The following TCF3 variants were observed in gnomAD, a reference collection of about 807,000 sequenced individuals.
TCF3 encodes transcription factor E2-alpha.
A neutral mutation model predicts 72.3 loss-of-function variants in TCF3; 54 were observed. The ratio of observed to expected loss-of-function variants is 0.75; its 90% CI spans 0.60 to 0.94. The LOEUF (loss-of-function observed/expected upper bound fraction) is 0.94, where lower values mean the gene tolerates loss of function less well. Among genes scored for constraint, TCF3 ranks in the 40% least tolerant of loss-of-function variants. TCF3 has a pLI of 0.00. For missense variants in TCF3, 1,078 were observed against 934.4 expected (o/e 1.15, Z -2.00); for synonymous variants, 525 against 412.6 (o/e 1.27, Z -3.30).
In TCF3 at chr19:1,632,741, C is replaced by T. The variant is rs375012509; in HGVS notation, c.146-336G>A. 7.2e-5 allele frequency among the ~76,000 whole-genome samples: 11 copies of T among 152,330 alleles called. No individual in the cohort carries two copies. In the East Asian group the frequency reaches 7.7e-4, roughly 11 times the overall value. ...CGCCGAGCCTCCTCCCCATCAGCCCCAAGTCCCTCCCTCTGGCCCAGCCCT... is the reference window on the plus strand; with the variant it reads ...CGCCGAGCCTCCTCCCCATCAGCCCTAAGTCCCTCCCTCTGGCCCAGCCCT... On this transcript the variant is annotated intron_variant, in intron 3 of 18. Coordinates refer to ENST00000262965, the MANE Select transcript of TCF3 (RefSeq NM_003200.5).
At position 1,622,397 on chromosome 19, in the gene TCF3, C is replaced by A. The variant is rs935082974; in HGVS notation, c.568G>T (p.Gly190Cys). Residue 190 changes from glycine (G) to cysteine (C), a missense_variant, in exon 9 of 19, where the codon GGT becomes TGT. Coordinates refer to ENST00000262965, the MANE Select transcript of TCF3 (RefSeq NM_003200.5). ...LPSSVYPPSS[G>C]EDYGRDATAY... ...GTGGCATCCCTGCCGTAGTCCTCAC[C>A]TGAGCTGGGTGGGTACACCTGCGGG... 1 of 1,324,486 alleles carries A rather than the reference C, an allele frequency of 7.6e-7. No homozygotes were observed. Among genetic ancestry groups the A allele is most frequent in the Admixed American group, 2.6e-5 (1 of 38,462 alleles). The allele number at this position is 1,324,486 out of a possible 1,614,324, so 82.0% of individuals were successfully genotyped here.
rs765570633 is a variant in TCF3 at position 1,611,746 on chromosome 19, T to C, written c.1926A>G (p.Pro642=). ...CGGGGTTGTGGGCTTCGCTCAGGCC[T>C]GGGTGGGGAGCTGAAAGCACCATCT... ...DPQMVLSAPH[P]GLSEAHNPAG... Residue 642 remains proline (P), a synonymous_variant, in exon 19 of 19, where the codon CCA becomes CCG. Transcript: ENST00000262965. The C allele has an allele frequency of 1.9e-6, 3 of 1,613,708 alleles. No homozygotes were observed. The highest frequency in any genetic ancestry group is 2.5e-6 in the Non-Finnish European group (3 of 1,179,950).
intron 3 of TCF3, among the ~76,000 whole-genome samples, chr19:1,646,036 G>C (rs944221174): frequency 6.6e-6 from 1 of 152,034 alleles, no homozygotes; most frequent in Admixed American, 6.5e-5. Flanking sequence ...ACGGATGCTC[G>C]AGATCCCCAC....
intron 3 of TCF3, among the ~76,000 whole-genome samples, chr19:1,637,180 C>T (rs1241586759): frequency 6.6e-6 from 1 of 151,944 alleles, no homozygotes; most frequent in Non-Finnish European, 1.5e-5. Flanking sequence ...GGACAAGCTC[C>T]TCCCCCAGAA....
At chr19:1,612,063 G>A (rs2061055895) in intron 18 of TCF3, 3 of 876,470 alleles carry the variant, frequency 3.4e-6, no homozygotes, top group African/African-American at 1.7e-5. Flanking sequence ...GGGGGTGTCT[G>A]GGGAACATCA....
At chr19:1,625,783 G>A (rs2062807978) in intron 6 of TCF3, 75 bp from the exon 7 acceptor site, 6 of 1,417,368 alleles carry the variant, frequency 4.2e-6, no homozygotes, top group Non-Finnish European at 5.5e-6. Flanking sequence ...AGAAAAAACT[G>A]CAAAGGCCGA....
At chr19:1,651,697 C>T (rs1395831443) in intron 1 of TCF3, among the ~76,000 whole-genome samples, 1 of 151,912 alleles carries the variant, frequency 6.6e-6, no homozygotes, top group South Asian at 2.1e-4. Context: ...GGACCCCCCT[C>T]CCCCCGCAGC....
chr19:1,642,672 C>A (rs2065508264), intron 3 of TCF3, among the ~76,000 whole-genome samples: 1 of 152,198 alleles, frequency 6.6e-6, no homozygotes, highest in South Asian at 2.1e-4. Flanking sequence ...GTGCTGTCAC[C>A]ACGTTGGCCA....
At chr19:1,634,111 G>A (rs1429668637) in intron 3 of TCF3, among the ~76,000 whole-genome samples, 1 of 152,208 alleles carries the variant, frequency 6.6e-6, no homozygotes, top group African/African-American at 2.4e-5. Flanking sequence ...AGGCACTGCG[G>A]CCTCAATCTG....
chr19:1,621,911 G>A lies in TCF3; in HGVS notation c.882C>T (p.Ser294=), dbSNP rs1231036578. The change falls in exon 11 of 19, where the codon TCC becomes TCT. Residue 294 remains serine, a synonymous_variant. Transcript: ENST00000262965. ...NGGLPSASSF[S]SAPGATYGGV... ...CGCCGTACGTGGCTCCGGGGGCTGA[G>A]GAGAAGGAGGATGCAGATGGGAGCC... 8.2e-6 allele frequency: 13 copies of A among 1,592,566 alleles called. No individual in the cohort carries two copies. Among genetic ancestry groups the A allele is most frequent in the Non-Finnish European group, 1.0e-5 (12 of 1,166,946 alleles).
At chr19:1,641,027 A>G (rs2065161041) in intron 3 of TCF3, among the ~76,000 whole-genome samples, 1 of 151,444 alleles carries the variant, frequency 6.6e-6, no homozygotes, top group Non-Finnish European at 1.5e-5. Flanking sequence ...GCAGGCACCT[A>G]TATTCCCAGC....
chr19:1,627,343 G>C lies in TCF3; in HGVS notation c.366+16C>G, dbSNP rs781445214. ...TTAAAATCAAAATACACCCCAGCCC[G>C]GCCCGAGCCCCTCACCTGAGTCAGG... On this transcript the variant is annotated intron_variant, in intron 6 of 18. Transcript: ENST00000262965. The C allele has an allele frequency of 1.7e-5, 27 of 1,603,048 alleles. 1 individual carries two copies. In the South Asian group the frequency reaches 2.3e-4, roughly 14 times the overall value.
intron 16 of TCF3, 87 bp downstream of exon 16, chr19:1,619,024 G>C (rs138376397): frequency 3.8e-6 from 6 of 1,580,630 alleles, no homozygotes; most frequent in Non-Finnish European, 5.1e-6. Context: ...ACCTGCCCTG[G>C]GCTCCCACCC....
chr19:1,619,466 C>G lies in TCF3; in HGVS notation c.1176G>C (p.Lys392Asn). The G allele has an allele frequency of 6.3e-7, 1 of 1,578,272 alleles. No homozygotes were observed. The highest frequency in any genetic ancestry group is 1.3e-5 in the African/African-American group (1 of 74,456). Residue 392 changes from lysine to asparagine, a missense_variant, in exon 15 of 19, where the codon AAG becomes AAC. Physicochemically the swap from Lys to Asn is moderately conservative, Grantham distance 94. Transcript: ENST00000262965. Reference sequence around the variant, plus strand: ...TGGCCTCGTCCAGGTGGTCTTCTATCTTACTCTGCTGCAGGGTGGGGGGAT... The same window carrying G: ...TGGCCTCGTCCAGGTGGTCTTCTATGTTACTCTGCTGCAGGGTGGGGGGAT... ...YDGGLHGLQS[K>N]IEDHLDEAIH...
chr19:1,622,189 A>G lies in TCF3; in HGVS notation c.687T>C (p.Ser229=), dbSNP rs779096921. 1 of 1,565,012 alleles carries G rather than the reference A, an allele frequency of 6.4e-7. No individual in the cohort carries two copies. The highest frequency in any genetic ancestry group is 1.9e-5 in the Admixed American group (1 of 53,822). ...GSLHPSAELW[S]PPGQAGFGPM... ...GCCCGAAGCCCGCCTGGCCCGGGGG[A>G]CTCCAGAGCTCGGCTGAGGGGTGCA... Residue 229 remains serine, a synonymous_variant, in exon 10 of 19, where the codon AGT becomes AGC. Coordinates refer to ENST00000262965, the MANE Select transcript of TCF3 (RefSeq NM_003200.5).
intron 11 of TCF3, 109 bp downstream of exon 11, chr19:1,621,729 C>A (rs2062245885): frequency 1.1e-5 from 15 of 1,380,940 alleles, no homozygotes; most frequent in Non-Finnish European, 1.3e-5. Context: ...GCTCTCAGGG[C>A]CAGCAGACGC....
At chr19:1,612,747 G>A (rs62130066) in intron 18 of TCF3, among the ~76,000 whole-genome samples, 22,647 of 144,770 alleles carry the variant, frequency 0.16, 2,011 homozygotes, top group Non-Finnish European at 0.19. Context: ...GCGGGTACAC[G>A]GCTTACGTTG....
intron 3 of TCF3, among the ~76,000 whole-genome samples, chr19:1,640,687 C>T (rs975762294): frequency 1.3e-5 from 2 of 151,976 alleles, no homozygotes; most frequent in Non-Finnish European, 2.9e-5. Context: ...CACCTGTAGT[C>T]CCAGCTACTA....
rs1012150520 is a variant in TCF3 at position 1,632,507 on chromosome 19, G to A, written c.146-102C>T. 2.9e-5 allele frequency: 37 copies of A among 1,295,378 alleles called. No individual in the cohort carries two copies. The African/African-American group carries it at 5.0e-4, about 18-fold the overall frequency. 80.2% of individuals were successfully genotyped at this position (1,295,378 alleles called of 1,614,324 possible). A position where few individuals can be genotyped will look rare whatever the true frequency, so the allele number is the denominator to read the frequency against. On this transcript the variant is annotated intron_variant, in intron 3 of 18. Coordinates refer to ENST00000262965, the MANE Select transcript of TCF3 (RefSeq NM_003200.5). ...GGGCAAACCTCAGTGGACCCGGGGG[G>A]CTTGTGGAACCCTTCCTAACCCAGC...
Sources: allele counts gnomAD v4.1 joint callset (sites outside exome capture counted in the v4.1 genomes callset), GRCh38; gene constraint gnomAD v4.1.1; transcripts MANE v1.5; gene names NCBI Gene and HGNC (gene_info 2026-07-23, HGNC 2026-07-21).